CTNNA3: variants seen among roughly 807,000 people sequenced by gnomAD.
The protein encoded by CTNNA3 is catenin alpha 3, also known as catenin alpha-3.
A neutral mutation model predicts 95.7 loss-of-function variants in CTNNA3; 76 were observed. The ratio of observed to expected loss-of-function variants is 0.79; its 90% CI spans 0.66 to 0.96. CTNNA3 has a LOEUF of 0.96. CTNNA3 is among the 40% of genes least tolerant of loss of function. The probability of loss-of-function intolerance (pLI) is 0.00; values close to 1 mark genes in which losing one functional copy is unlikely to be tolerated. For synonymous variants in CTNNA3, 431 were observed against 374.4 expected, an observed-to-expected ratio of 1.15 and a Z score of -1.74; for missense variants, 1,191 against 1,089.8, an observed-to-expected ratio of 1.09 and a Z score of -1.31.
At chr10:66,326,232 A>G (rs974895043) in intron 12 of CTNNA3, among the ~76,000 whole-genome samples, 1 of 152,138 alleles carries the variant, frequency 6.6e-6, no homozygotes, top group Non-Finnish European at 1.5e-5. Flanking sequence ...AGGAATGGGT[A>G]AAGTGAAGGA....
At chr10:67,115,278 C>T (rs1859117746) in intron 7 of CTNNA3, among the ~76,000 whole-genome samples, 1 of 150,120 alleles carries the variant, frequency 6.7e-6, no homozygotes, top group Non-Finnish European at 1.5e-5. Context: ...ATGAGATAGA[C>T]AGATTCTGGA....
At chr10:67,435,276 A>G (rs1430252441) in intron 5 of CTNNA3, among the ~76,000 whole-genome samples, 1 of 152,052 alleles carries the variant, frequency 6.6e-6, no homozygotes, top group African/African-American at 2.4e-5. Context: ...GACAAACTCA[A>G]ACATCCATAC....
At chr10:67,707,631 TA>T (rs1841085649) in intron 1 of CTNNA3, among the ~76,000 whole-genome samples, 1 of 152,132 alleles carries the variant, frequency 6.6e-6, no homozygotes, top group Admixed American at 6.6e-5. Flanking sequence ...GGATAAAAGC[TA>T]GGGGCAGTGG....
At chr10:66,240,454 T>G (rs2132036841) in intron 13 of CTNNA3, among the ~76,000 whole-genome samples, 1 of 152,192 alleles carries the variant, frequency 6.6e-6, no homozygotes, top group South Asian at 2.1e-4. Context: ...CAAATAATAG[T>G]CTTTATAATA....
At chr10:67,744,886 CA>C (rs1305112127) in intron 1 of CTNNA3, among the ~76,000 whole-genome samples, 2 of 152,096 alleles carry the variant, frequency 1.3e-5, no homozygotes, top group African/African-American at 4.8e-5. Context: ...GACATTTATG[CA>C]GCCAAAAAAC....
Position 66,927,863 on chromosome 10 carries a change from G to A in CTNNA3, c.1048-152339C>T. The A allele has an allele frequency of 6.2e-7, 1 of 1,614,226 alleles. No individual in the cohort carries two copies. On this transcript the variant is annotated intron_variant, in intron 7 of 17. Transcript: ENST00000433211. This position sits in a 1 kb window ranked among gnomAD's most constrained non-coding sequence, Gnocchi z 4.7. ...AGTCTTGCTGGGAATATATGGGAAT[G>A]CAGCAGAAATATTTGCTCCCTTGTA... is the stretch of plus-strand genomic sequence containing the variant.
intron 9 of CTNNA3, among the ~76,000 whole-genome samples, chr10:66,692,452 TG>T (rs1847585208): frequency 6.6e-6 from 1 of 152,068 alleles, no homozygotes; most frequent in South Asian, 2.1e-4. Context: ...CCAAGAAATA[TG>T]GGACTATGTG....
intron 5 of CTNNA3, among the ~76,000 whole-genome samples, chr10:67,311,098 C>A (rs377485107): frequency 5.3e-5 from 8 of 152,126 alleles, no homozygotes; most frequent in African/African-American, 1.9e-4. Context: ...GTACCTTCTG[C>A]GCCTTAAAAG....
intron 5 of CTNNA3, among the ~76,000 whole-genome samples, chr10:67,392,607 G>A (rs567472728): frequency 7.2e-5 from 11 of 152,256 alleles, no homozygotes; most frequent in Admixed American, 3.3e-4. Context: ...GCATGCACAC[G>A]TATGTTTATT....
chr10:67,726,587 GTAATATTATATTACATATTATATAATATA>G (rs1472572245), intron 1 of CTNNA3, among the ~76,000 whole-genome samples: 48 of 43,398 alleles, frequency 1.1e-3, no homozygotes, highest in African/African-American at 5.1e-3. Flanking sequence ...TATATAATAT[GTAATATTATATTACATATTATATAATATA>G]TAATATATAT....
At chr10:67,399,237 A>C (rs1844826892) in intron 5 of CTNNA3, among the ~76,000 whole-genome samples, 3 of 152,166 alleles carry the variant, frequency 2.0e-5, no homozygotes, top group African/African-American at 7.2e-5. Flanking sequence ...GCACCTGCAC[A>C]GTTCAAATCC....
chr10:66,069,652 A>G (rs953300005), intron 14 of CTNNA3, among the ~76,000 whole-genome samples, 163 bp from the exon 15 acceptor site: 4 of 152,316 alleles, frequency 2.6e-5, no homozygotes, highest in Admixed American at 1.3e-4. Context: ...AATATTTCAT[A>G]TAAAAATCTA....
chr10:67,758,671 G>A (rs929523900), intron 1 of CTNNA3, among the ~76,000 whole-genome samples: 1 of 151,884 alleles, frequency 6.6e-6, no homozygotes, highest in Non-Finnish European at 1.5e-5. Flanking sequence ...TATAGAGCTT[G>A]TCCATAGAGT....
intron 7 of CTNNA3, among the ~76,000 whole-genome samples, chr10:66,843,874 A>G (rs1843155815): frequency 6.6e-6 from 1 of 152,252 alleles, no homozygotes; most frequent in African/African-American, 2.4e-5. Context: ...ATTCAGAAAC[A>G]GAACCTAAAA....
At chr10:66,048,853 C>T (rs187312858) in intron 15 of CTNNA3, among the ~76,000 whole-genome samples, 3 of 152,238 alleles carry the variant, frequency 2.0e-5, no homozygotes, top group Admixed American at 6.5e-5. Flanking sequence ...AAAACCTAGG[C>T]AATACCATTC....
chr10:67,408,309 G>T (rs752723463), intron 5 of CTNNA3, among the ~76,000 whole-genome samples: 1 of 152,032 alleles, frequency 6.6e-6, no homozygotes, highest in Non-Finnish European at 1.5e-5. Context: ...CAAAGCTAGA[G>T]GTACCACATT....
chr10:67,147,037 C>CA (rs1860882569), intron 7 of CTNNA3, among the ~76,000 whole-genome samples: 1 of 152,128 alleles, frequency 6.6e-6, no homozygotes. Context: ...AATGTTCACA[C>CA]AATGACAAAA....
intron 13 of CTNNA3, among the ~76,000 whole-genome samples, chr10:66,249,333 G>A (rs370537505): frequency 6.6e-6 from 1 of 152,058 alleles, no homozygotes; most frequent in Admixed American, 6.6e-5. Context: ...AAAGTGAAGA[G>A]ACAACCACAG....
chr10:66,215,444 C>A (rs182902278), intron 13 of CTNNA3, among the ~76,000 whole-genome samples: 222 of 152,232 alleles, frequency 1.5e-3, no homozygotes, highest in Middle Eastern at 3.4e-3. Flanking sequence ...AGGAAACTAC[C>A]CACTTCTGGT....
Sources: allele counts gnomAD v4.1 joint callset (sites outside exome capture counted in the v4.1 genomes callset), GRCh38; gene constraint gnomAD v4.1.1; non-coding constraint Gnocchi (gnomAD v3.1); transcripts MANE v1.5; gene names NCBI Gene and HGNC (gene_info 2026-07-23, HGNC 2026-07-21).